PCDH9: variants seen among roughly 807,000 people sequenced by gnomAD.
The protein encoded by PCDH9 is protocadherin 9, also known as protocadherin-9.
PCDH9 carries 24 observed loss-of-function variants against 70.6 expected under a neutral mutation model. The ratio of observed to expected loss-of-function variants is 0.34; its 90% confidence interval spans 0.25 to 0.48. PCDH9 has a LOEUF of 0.48. Ranked by LOEUF, PCDH9 falls within the 20% of genes least tolerant of loss-of-function variation. The pLI, the probability that PCDH9 is intolerant of heterozygous loss-of-function variation, is 0.99. For synonymous variants in PCDH9, 562 were observed against 558.5 expected, an observed-to-expected ratio of 1.01 and a Z score of -0.09; for missense variants, 1,281 against 1,503.6, an observed-to-expected ratio of 0.85 and a Z score of 2.45.
chr13:67,006,868 A>G (rs894687165), intron 2 of PCDH9, among the ~76,000 whole-genome samples: 4 of 152,190 alleles, frequency 2.6e-5, no homozygotes, highest in Non-Finnish European at 5.9e-5. Context: ...TAACTTATTT[A>G]TACATTTAAA....
chr13:67,101,428 A>T (rs1004103795), intron 2 of PCDH9, among the ~76,000 whole-genome samples: 1 of 152,190 alleles, frequency 6.6e-6, no homozygotes, highest in Non-Finnish European at 1.5e-5. Context: ...TAGGAATTTT[A>T]AAAATTCCAA....
intron 2 of PCDH9, among the ~76,000 whole-genome samples, chr13:67,129,943 G>A (rs982038630): frequency 6.6e-6 from 1 of 152,016 alleles, no homozygotes; most frequent in African/African-American, 2.4e-5. Context: ...TTTTTAAAAA[G>A]CATGAGAGTT....
chr13:66,340,370 G>A (rs537201494), intron 4 of PCDH9, among the ~76,000 whole-genome samples: 2 of 152,244 alleles, frequency 1.3e-5, no homozygotes, highest in East Asian at 3.9e-4. Context: ...TTTTCATGGT[G>A]ACACTTTTCT....
At chr13:66,593,551 G>A (rs1295968232) in intron 4 of PCDH9, among the ~76,000 whole-genome samples, 1 of 151,568 alleles carries the variant, frequency 6.6e-6, no homozygotes, top group East Asian at 1.9e-4. Flanking sequence ...TTTGTAAGAA[G>A]CAGAAAACAT....
At chr13:66,528,533 C>T (rs1960307887) in intron 4 of PCDH9, among the ~76,000 whole-genome samples, 2 of 152,114 alleles carry the variant, frequency 1.3e-5, no homozygotes, top group African/African-American at 2.4e-5. Context: ...ATGTGAGTGC[C>T]TAGTCAAAAG....
At chr13:67,084,009 G>T (rs2086042217) in intron 2 of PCDH9, among the ~76,000 whole-genome samples, 1 of 152,198 alleles carries the variant, frequency 6.6e-6, no homozygotes, top group Non-Finnish European at 1.5e-5. Flanking sequence ...GGGATTTTGG[G>T]ACCCCCAAAC....
In PCDH9 at chr13:66,907,182, C is replaced by T. The variant is rs183062599; in HGVS notation, c.3037-3577G>A. On this transcript the variant is annotated intron_variant, in intron 2 of 4. Coordinates refer to ENST00000377865, the MANE Select transcript of PCDH9 (RefSeq NM_203487.3). ...CTGCACCACTGCACTCCAGCCTGGGCGACAGAACGAGATTCTGCCTCAAAA... is the reference window on the plus strand; with the variant it reads ...CTGCACCACTGCACTCCAGCCTGGGTGACAGAACGAGATTCTGCCTCAAAA... Among the ~76,000 whole-genome samples, 353 of 151,910 alleles carry T rather than the reference C, an allele frequency of 2.3e-3. 2 individuals are homozygous for T. The highest frequency in any genetic ancestry group is 8.3e-3 in the African/African-American group (343 of 41,434).
intron 3 of PCDH9, among the ~76,000 whole-genome samples, chr13:66,798,596 C>A (rs749337987): frequency 6.6e-6 from 1 of 152,252 alleles, no homozygotes; most frequent in East Asian, 1.9e-4. Flanking sequence ...TTTTGCCTAA[C>A]GGAAATCTAC....
At chr13:66,372,046 A>T (rs981519560) in intron 4 of PCDH9, among the ~76,000 whole-genome samples, 1 of 152,018 alleles carries the variant, frequency 6.6e-6, no homozygotes, top group African/African-American at 2.4e-5. Context: ...CTTAATACTT[A>T]TGTTAATTTA....
chr13:66,571,688 G>T lies in PCDH9; in HGVS notation c.3340+59522C>A, dbSNP rs537378788. ...AGCCATTTTGCATAAAAGCTTATGAGATAGTAAGTTGATTGTATATGCAAT... is the reference window on the plus strand; with the variant it reads ...AGCCATTTTGCATAAAAGCTTATGATATAGTAAGTTGATTGTATATGCAAT... On this transcript the variant is annotated intron_variant, in intron 4 of 4. Transcript: ENST00000377865. Among the ~76,000 whole-genome samples the T allele has an allele frequency of 2.6e-5, 4 of 152,158 alleles. No homozygotes were observed. In the South Asian group the frequency reaches 8.3e-4, roughly 32 times the overall value.
chr13:66,445,248 AAGG>A (rs1958051710), intron 4 of PCDH9, among the ~76,000 whole-genome samples: 1 of 147,474 alleles, frequency 6.8e-6, no homozygotes, highest in African/African-American at 2.5e-5. Flanking sequence ...ATACAGTTGG[AAGG>A]AGAAGATAAT....
rs187707250 is a variant in PCDH9, at chr13:67,172,584, A to G, written c.3036+52821T>C. Among the ~76,000 whole-genome samples, 5 of 152,220 alleles carry G rather than the reference A, an allele frequency of 3.3e-5. No individual in the cohort carries two copies. The East Asian group carries it at 9.7e-4, about 30-fold the overall frequency. ...AAAGGGCTTTTGTGGCCATTCAAGA[A>G]TGGATGGTTTTGGCCGGGCAAGGTG... On this transcript the variant is annotated intron_variant, in intron 2 of 4. Transcript: ENST00000377865.
intron 3 of PCDH9, among the ~76,000 whole-genome samples, chr13:66,673,880 C>T (rs2078209395): frequency 6.6e-6 from 1 of 152,036 alleles, no homozygotes; most frequent in South Asian, 2.1e-4. Flanking sequence ...ATTCAATTAT[C>T]CAGTTAAATA....
intron 3 of PCDH9, among the ~76,000 whole-genome samples, chr13:66,805,983 C>A (rs1318523245): frequency 1.3e-5 from 2 of 152,030 alleles, no homozygotes; most frequent in African/African-American, 2.4e-5. Context: ...TGTGGGTTGC[C>A]AATGTGACTC....
intron 3 of PCDH9, among the ~76,000 whole-genome samples, chr13:66,872,905 T>C (rs1456145191): frequency 6.6e-6 from 1 of 152,150 alleles, no homozygotes; most frequent in Non-Finnish European, 1.5e-5. Flanking sequence ...GAAAGGATGA[T>C]GGCAACATAC....
At chr13:67,176,315 C>T (rs1419968388) in intron 2 of PCDH9, among the ~76,000 whole-genome samples, 1 of 151,942 alleles carries the variant, frequency 6.6e-6, no homozygotes, top group African/African-American at 2.4e-5. Flanking sequence ...GCTCAGGGGC[C>T]CATAAATCTT....
At chr13:66,838,948 T>C (rs1465909629) in intron 3 of PCDH9, among the ~76,000 whole-genome samples, 1 of 152,214 alleles carries the variant, frequency 6.6e-6, no homozygotes. Context: ...TTTGAACTAG[T>C]GCAAAGAAAC....
intron 4 of PCDH9, among the ~76,000 whole-genome samples, chr13:66,330,125 C>A (rs1291599851): frequency 6.6e-6 from 1 of 152,234 alleles, no homozygotes; most frequent in Non-Finnish European, 1.5e-5. Flanking sequence ...CATTCCCTTA[C>A]ATGCCACTTG....
At chr13:66,823,451 T>G in intron 3 of PCDH9, among the ~76,000 whole-genome samples, 1 of 151,900 alleles carries the variant, frequency 6.6e-6, no homozygotes, top group East Asian at 1.9e-4. Flanking sequence ...AATATAAAGA[T>G]AATTACTTCA....
Sources: gnomAD v4.1 joint callset for allele counts (sites outside exome capture counted in the v4.1 genomes callset) on GRCh38, gnomAD v4.1.1 for gene constraint, MANE v1.5 for transcripts, NCBI Gene and HGNC (gene_info 2026-07-23, HGNC 2026-07-21) for gene names.